PRR16: variants seen among roughly 807,000 people sequenced by gnomAD.
The protein encoded by PRR16 is proline rich 16, also known as protein Largen.
A neutral mutation model predicts 18.2 loss-of-function variants in PRR16; 6 were observed. The observed-to-expected ratio is 0.33, with a 90% CI of 0.18 to 0.65. The LOEUF is 0.65. PRR16 is among the 30% of genes least tolerant of loss of function. The pLI is 0.74. For missense variants in PRR16, 412 were observed against 376.6 expected (o/e 1.09, Z -0.78); for synonymous variants, 151 against 147.8 (o/e 1.02, Z -0.16).
intron 1 of PRR16, among the ~76,000 whole-genome samples, chr5:120,668,679 G>T (rs1318071136): frequency 6.6e-6 from 1 of 152,048 alleles, no homozygotes; most frequent in African/African-American, 2.4e-5. Context: ...GCATTTGCTT[G>T]TCTGTAAAGT....
the PRR16 span, among the ~76,000 whole-genome samples, chr5:120,784,511 T>C: frequency 0.06 from 9,123 of 152,200 alleles, 643 homozygotes; most frequent in African/African-American, 0.17. Context: ...ACCTATAGAA[T>C]GGGAGAAAAT....
intron 1 of PRR16, among the ~76,000 whole-genome samples, chr5:120,635,265 A>T (rs1425355959): frequency 6.6e-6 from 1 of 152,196 alleles, no homozygotes; most frequent in African/African-American, 2.4e-5. Context: ...AAATCATTTT[A>T]TGAAGCCAAT....
chr5:120,695,887 TATC>T, the PRR16 span, among the ~76,000 whole-genome samples: 1 of 151,418 alleles, frequency 6.6e-6, no homozygotes, highest in Non-Finnish European at 1.5e-5. Flanking sequence ...ATCTGAATCT[TATC>T]ATAACTTGTA....
intron 1 of PRR16, among the ~76,000 whole-genome samples, chr5:120,661,885 A>G (rs1475078691): frequency 6.6e-6 from 1 of 152,122 alleles, no homozygotes; most frequent in Non-Finnish European, 1.5e-5. Flanking sequence ...CTGAGGAACC[A>G]CTAGTATGTT....
At chr5:120,732,882 ATAT>A in the PRR16 span, among the ~76,000 whole-genome samples, 2 of 152,202 alleles carry the variant, frequency 1.3e-5, no homozygotes, top group African/African-American at 2.4e-5. Flanking sequence ...GGAAAATCAG[ATAT>A]TATAAAAACA....
At chr5:120,564,627 G>T (rs1379033907) in intron 1 of PRR16, among the ~76,000 whole-genome samples, 2 of 152,152 alleles carry the variant, frequency 1.3e-5, no homozygotes, top group African/African-American at 4.8e-5. Flanking sequence ...GCCACTATTG[G>T]GGGGTGGAAA....
intron 1 of PRR16, among the ~76,000 whole-genome samples, chr5:120,663,048 C>T (rs1246476508): frequency 6.6e-5 from 10 of 152,076 alleles, no homozygotes; most frequent in Non-Finnish European, 1.2e-4. Flanking sequence ...CCCTGTTCAC[C>T]GTTCTTCTTT....
chr5:120,716,055 C>T, the PRR16 span, among the ~76,000 whole-genome samples: 1 of 151,920 alleles, frequency 6.6e-6, no homozygotes, highest in Non-Finnish European at 1.5e-5. Flanking sequence ...ACAGCAGCAA[C>T]AACAACAACA....
At chr5:120,588,363 T>C (rs1451058891) in intron 1 of PRR16, among the ~76,000 whole-genome samples, 1 of 152,186 alleles carries the variant, frequency 6.6e-6, no homozygotes, top group East Asian at 1.9e-4. Context: ...GTAAGTCTTT[T>C]GTGAAAGCAA....
At chr5:120,480,871 A>C (rs2112810244) in intron 1 of PRR16, among the ~76,000 whole-genome samples, 1 of 152,290 alleles carries the variant, frequency 6.6e-6, no homozygotes, top group Non-Finnish European at 1.5e-5. Flanking sequence ...TAAACCAGTT[A>C]AGTATTTTTT....
chr5:120,789,761 A>G, the PRR16 span, among the ~76,000 whole-genome samples: 1 of 152,118 alleles, frequency 6.6e-6, no homozygotes, highest in Non-Finnish European at 1.5e-5. Flanking sequence ...ATAAAATAAT[A>G]TATACAATTT....
At chr5:120,546,998 G>C (rs1486983130) in intron 1 of PRR16, among the ~76,000 whole-genome samples, 1 of 152,080 alleles carries the variant, frequency 6.6e-6, no homozygotes, top group Non-Finnish European at 1.5e-5. Context: ...TTCTAGAAAA[G>C]AGATGGGGAG....
At chr5:120,511,648 T>C (rs1750830654) in intron 1 of PRR16, among the ~76,000 whole-genome samples, 1 of 152,216 alleles carries the variant, frequency 6.6e-6, no homozygotes, top group Admixed American at 6.5e-5. Flanking sequence ...TAGGGCAACT[T>C]TCTACTCAAT....
the PRR16 span, among the ~76,000 whole-genome samples, chr5:120,731,785 G>T: frequency 2.0e-5 from 3 of 152,290 alleles, no homozygotes; most frequent in African/African-American, 7.2e-5. Flanking sequence ...GACTGATTCT[G>T]TTTGAATGCT....
At chr5:120,500,412 G>T (rs1750407822) in intron 1 of PRR16, among the ~76,000 whole-genome samples, 1 of 152,062 alleles carries the variant, frequency 6.6e-6, no homozygotes, top group South Asian at 2.1e-4. Flanking sequence ...ATAATGTCCA[G>T]GGTTTTTAGT....
the PRR16 span, among the ~76,000 whole-genome samples, chr5:120,771,512 G>A: frequency 6.6e-6 from 1 of 152,098 alleles, no homozygotes; most frequent in African/African-American, 2.4e-5. Flanking sequence ...CTATACAATC[G>A]AGAGATGTCT....
At chr5:120,525,257 T>C (rs1377927139) in intron 1 of PRR16, among the ~76,000 whole-genome samples, 1 of 152,162 alleles carries the variant, frequency 6.6e-6, no homozygotes, top group Non-Finnish European at 1.5e-5. Flanking sequence ...TTCACCAGAC[T>C]CTTTTCAAAT....
chr5:120,664,500 A>C (rs190152896), intron 1 of PRR16, among the ~76,000 whole-genome samples: 2 of 151,354 alleles, frequency 1.3e-5, no homozygotes, highest in Non-Finnish European at 2.9e-5. Context: ...GTACATGTGC[A>C]CAATGTGCAG....
At chr5:120,777,988 C>T in the PRR16 span, among the ~76,000 whole-genome samples, 6 of 152,054 alleles carry the variant, frequency 3.9e-5, no homozygotes, top group Admixed American at 2.6e-4. Context: ...TAATTCTGAA[C>T]ATAGTATGAC....
Sources: gnomAD v4.1 joint callset for allele counts (sites outside exome capture counted in the v4.1 genomes callset) on GRCh38, gnomAD v4.1.1 for gene constraint, MANE v1.5 for transcripts, NCBI Gene and HGNC (gene_info 2026-07-23, HGNC 2026-07-21) for gene names.